The following TYW1B variants were observed in gnomAD, a reference collection of about 807,000 sequenced individuals.
The protein encoded by TYW1B is tRNA-yW synthesizing protein 1 homolog B, also known as S-adenosyl-L-methionine-dependent tRNA 4-demethylwyosine synthase TYW1B.
Under a neutral mutation model 86.9 loss-of-function variants are expected in TYW1B, and 73 were observed. The ratio of observed to expected loss-of-function variants is 0.84; its 90% CI spans 0.70 to 1.02. The LOEUF (loss-of-function observed/expected upper bound fraction) is 1.02. TYW1B is among the 50% of genes least tolerant of loss of function. The pLI is 0.00. For synonymous variants in TYW1B, 248 were observed against 292.8 expected, an observed-to-expected ratio of 0.85 and a Z score of 1.56; for missense variants, 637 against 827.4, an observed-to-expected ratio of 0.77 and a Z score of 2.82.
At chr7:72,749,912 G>GT (rs35656387) in intron 7 of TYW1B, among the ~76,000 whole-genome samples, 69,542 of 118,770 alleles carry the variant, frequency 0.59, 20,960 homozygotes, top group Non-Finnish European at 0.65. Context: ...GGTTTTTTTT[G>GT]TTTTTTTTTT....
At chr7:72,614,002 T>TG (rs1241457165) in intron 13 of TYW1B, among the ~76,000 whole-genome samples, 330 of 4,124 alleles carry the variant, frequency 0.08, 2 homozygotes, top group African/African-American at 0.22. Context: ...ACATGTATGC[T>TG]GGGGGGGTGG....
At chr7:72,809,516 A>AGT (rs1788560947) in intron 4 of TYW1B, among the ~76,000 whole-genome samples, 2 of 152,020 alleles carry the variant, frequency 1.3e-5, no homozygotes, top group South Asian at 4.1e-4. Context: ...AGCCAGGGGT[A>AGT]GTGGTGCACG....
intron 8 of TYW1B, among the ~76,000 whole-genome samples, chr7:72,739,606 C>CAAAA (rs565426313): frequency 1.4e-5 from 1 of 72,754 alleles, no homozygotes; most frequent in Non-Finnish European, 3.0e-5. Flanking sequence ...ACTCCGTCTC[C>CAAAA]AAAAAAAAAA....
chr7:72,680,457 A>G (rs529431063), intron 11 of TYW1B, among the ~76,000 whole-genome samples: 6 of 152,038 alleles, frequency 3.9e-5, no homozygotes, highest in Admixed American at 1.3e-4. Flanking sequence ...CAGCTTTTGG[A>G]CTCTTGGACT....
intron 11 of TYW1B, among the ~76,000 whole-genome samples, chr7:72,672,508 A>ACACACACACC (rs1389234655): frequency 6.7e-6 from 1 of 149,670 alleles, no homozygotes; most frequent in African/African-American, 2.5e-5. Flanking sequence ...ACACACACAC[A>ACACACACACC]CCTGTATACA....
chr7:72,798,010 TACACACACACACAC>T (rs781878514), intron 6 of TYW1B, among the ~76,000 whole-genome samples: 1 of 62,758 alleles, frequency 1.6e-5, no homozygotes, highest in East Asian at 7.2e-4. Flanking sequence ...TTTATATATA[TACACACACACACAC>T]ACACACACAC....
rs1373418334 is a variant in TYW1B at position 72,783,208 on chromosome 7, G to A, written c.847-5675C>T. Among the ~76,000 whole-genome samples the A allele has an allele frequency of 2.6e-5, 4 of 152,016 alleles. No homozygotes were observed. In the South Asian group the frequency reaches 8.3e-4, roughly 32 times the overall value. Reference sequence around the variant, plus strand: ...GAGGTCAGGAGTTCGAGAACAGCCTGGCCAACATGATGAAACCCATCTCTT... The same window carrying A: ...GAGGTCAGGAGTTCGAGAACAGCCTAGCCAACATGATGAAACCCATCTCTT... On this transcript the variant is annotated intron_variant, in intron 6 of 13. Coordinates refer to ENST00000620995, the MANE Select transcript of TYW1B (RefSeq NM_001145440.3).
intron 11 of TYW1B, among the ~76,000 whole-genome samples, chr7:72,649,363 C>G (rs1180073281): frequency 6.6e-6 from 1 of 152,144 alleles, no homozygotes; most frequent in African/African-American, 2.4e-5. Context: ...ACCACCACCA[C>G]AAGATGAACA....
In TYW1B at chr7:72,628,686, G is replaced by A. The variant is rs575156827; in HGVS notation, c.1617+201C>T. 5.3e-5 allele frequency among the ~76,000 whole-genome samples: 8 copies of A among 152,106 alleles called. No homozygotes were observed. The East Asian group carries it at 1.4e-3, about 26-fold the overall frequency. ...TAAAATACTAGCTTTATAAGAGCAA[G>A]AGCTTGGTCTTCTTGACTGCTATTA... On this transcript the variant is annotated intron_variant, in intron 12 of 13. Coordinates refer to ENST00000620995, the MANE Select transcript of TYW1B (RefSeq NM_001145440.3).
intron 11 of TYW1B, among the ~76,000 whole-genome samples, chr7:72,679,050 C>T (rs1585897276): frequency 6.6e-6 from 1 of 151,920 alleles, no homozygotes. Flanking sequence ...TGCAGTGAGC[C>T]GTGATGGCAC....
chr7:72,756,510 C>G (rs990525066), intron 7 of TYW1B, among the ~76,000 whole-genome samples: 20 of 152,076 alleles, frequency 1.3e-4, no homozygotes, highest in African/African-American at 4.8e-4. Context: ...GCTGGAATTA[C>G]AGGTGTGAGC....
chr7:72,739,321 AG>A (rs1307961436), intron 8 of TYW1B, among the ~76,000 whole-genome samples: 4 of 151,776 alleles, frequency 2.6e-5, no homozygotes, highest in Admixed American at 2.6e-4. Context: ...GTGGGTAGAG[AG>A]GGGTCAGGCG....
chr7:72,809,344 C>T (rs1456037281), intron 4 of TYW1B, among the ~76,000 whole-genome samples: 3 of 152,026 alleles, frequency 2.0e-5, no homozygotes, highest in African/African-American at 7.2e-5. Flanking sequence ...CAGGCCCAGC[C>T]GAAAAATTCA....
At chr7:72,625,901 G>GA (rs1554438713) in intron 12 of TYW1B, among the ~76,000 whole-genome samples, 2 of 86,360 alleles carry the variant, frequency 2.3e-5, no homozygotes, top group East Asian at 7.0e-4. Context: ...TGGGGCGGGG[G>GA]GGGGGGAAGA....
intron 12 of TYW1B, among the ~76,000 whole-genome samples, chr7:72,626,664 T>C (rs1335261867): frequency 2.2e-4 from 34 of 152,116 alleles, no homozygotes; most frequent in African/African-American, 8.2e-4. Flanking sequence ...TCTTTTTTCG[T>C]TCAGCCCGTA....
chr7:72,700,686 A>C (rs1814444335), intron 10 of TYW1B, among the ~76,000 whole-genome samples: 1 of 152,086 alleles, frequency 6.6e-6, no homozygotes, highest in East Asian at 1.9e-4. Flanking sequence ...ATATGTTGGC[A>C]TGCCTGAAGG....
chr7:72,664,194 T>A (rs1813405486), intron 11 of TYW1B, among the ~76,000 whole-genome samples: 1 of 152,190 alleles, frequency 6.6e-6, no homozygotes, highest in Admixed American at 6.6e-5. Flanking sequence ...CACCAAACCA[T>A]TGAGATTACT....
chr7:72,693,470 G>A (rs1192059283), intron 11 of TYW1B, among the ~76,000 whole-genome samples: 6 of 147,056 alleles, frequency 4.1e-5, no homozygotes, highest in Non-Finnish European at 7.4e-5. Context: ...GTGCAGTGGC[G>A]CAATCTCGGC....
chr7:72,808,529 CTTT>C (rs66804350), intron 4 of TYW1B, among the ~76,000 whole-genome samples: 1 of 138,612 alleles, frequency 7.2e-6, no homozygotes, highest in Non-Finnish European at 1.5e-5. Flanking sequence ...TTTTATTTTA[CTTT>C]TTTTTTTTTT....
Sources: gnomAD v4.1 joint callset for allele counts (sites outside exome capture counted in the v4.1 genomes callset) on GRCh38, gnomAD v4.1.1 for gene constraint, MANE v1.5 for transcripts, NCBI Gene and HGNC (gene_info 2026-07-23, HGNC 2026-07-21) for gene names.